ROBO2: variants seen among roughly 807,000 people sequenced by gnomAD.
ROBO2 encodes the protein roundabout homolog 2.
Under a neutral mutation model 160.8 loss-of-function variants are expected in ROBO2, and 53 were observed. That is an observed-to-expected ratio of 0.33 (90% confidence interval 0.26 to 0.41). The LOEUF (loss-of-function observed/expected upper bound fraction) is 0.41. Among genes scored for constraint, ROBO2 ranks in the 10% least tolerant of loss-of-function variants. The pLI is 1.00. For missense variants in ROBO2, 1,577 were observed against 1,722.4 expected (o/e 0.92, Z 1.49); for synonymous variants, 664 against 611.7 (o/e 1.09, Z -1.26).
intron 2 of ROBO2, among the ~76,000 whole-genome samples, chr3:76,209,766 C>A (rs1703029115): frequency 6.6e-6 from 1 of 152,084 alleles, no homozygotes; most frequent in Non-Finnish European, 1.5e-5. Context: ...GGGGATTAAA[C>A]TACACAGGGG....
chr3:75,970,508 A>C (rs144138523), intron 2 of ROBO2, among the ~76,000 whole-genome samples: 6 of 151,680 alleles, frequency 4.0e-5, no homozygotes, highest in African/African-American at 9.6e-5. Flanking sequence ...AAATGTTCTA[A>C]ACAGTATGTA....
intron 9 of ROBO2, 23 bp downstream of exon 10, chr3:77,558,172 A>T: frequency 6.3e-7 from 1 of 1,585,108 alleles, no homozygotes; most frequent in Non-Finnish European, 8.7e-7. Flanking sequence ...GGACTTGTAC[A>T]TGAATTATCA....
At chr3:76,447,865 G>C (rs1452625973) in intron 2 of ROBO2, among the ~76,000 whole-genome samples, 1 of 140,828 alleles carries the variant, frequency 7.1e-6, no homozygotes, top group African/African-American at 2.7e-5. Flanking sequence ...GCACAGGAAG[G>C]GGGACATCAC....
At chr3:77,126,008 G>A (rs2075286121) in intron 2 of ROBO2, among the ~76,000 whole-genome samples, 1 of 152,174 alleles carries the variant, frequency 6.6e-6, no homozygotes, top group Non-Finnish European at 1.5e-5. Context: ...CCCAGCGATT[G>A]CACACATTTG....
chr3:76,078,546 G>C (rs1405698020), intron 2 of ROBO2, among the ~76,000 whole-genome samples: 1 of 151,848 alleles, frequency 6.6e-6, no homozygotes, highest in Non-Finnish European at 1.5e-5. Flanking sequence ...TCATCCTTTT[G>C]TAGAGACAGG....
At chr3:76,297,706 T>TAA (rs71277576) in intron 2 of ROBO2, among the ~76,000 whole-genome samples, 2,231 of 56,510 alleles carry the variant, frequency 0.039, 94 homozygotes, top group Non-Finnish European at 0.058. Context: ...CTGCTTTCCT[T>TAA]AAAAAAAAAA....
At chr3:76,921,285 G>C (rs2076642477) in intron 2 of ROBO2, among the ~76,000 whole-genome samples, 1 of 152,160 alleles carries the variant, frequency 6.6e-6, no homozygotes, top group Admixed American at 6.5e-5. Context: ...AAATTAAATG[G>C]AAAAAAGGTA....
intron 1 of ROBO2, among the ~76,000 whole-genome samples, chr3:77,061,541 C>G (rs572482248): frequency 6.6e-6 from 1 of 152,116 alleles, no homozygotes; most frequent in African/African-American, 2.4e-5. Flanking sequence ...AAATCAGTAA[C>G]GGATTCATCT....
chr3:75,926,658 G>A (rs141396430), intron 1 of ROBO2, among the ~76,000 whole-genome samples: 3 of 152,224 alleles, frequency 2.0e-5, no homozygotes, highest in African/African-American at 7.2e-5. Context: ...AGGAACATTA[G>A]GTATCAGAGT....
At chr3:76,786,894 G>T (rs976442141) in intron 2 of ROBO2, among the ~76,000 whole-genome samples, 4 of 151,332 alleles carry the variant, frequency 2.6e-5, no homozygotes, top group Non-Finnish European at 5.9e-5. Flanking sequence ...AATTTCTAAA[G>T]AAAAGAGGTT....
At chr3:76,117,494 A>G (rs951719232) in intron 2 of ROBO2, among the ~76,000 whole-genome samples, 2 of 152,192 alleles carry the variant, frequency 1.3e-5, no homozygotes, top group African/African-American at 4.8e-5. Context: ...GTCTCTGTGT[A>G]TGTCAATGAA....
chr3:77,321,589 CTAGA>C (rs1166170609), intron 2 of ROBO2, among the ~76,000 whole-genome samples: 1 of 151,862 alleles, frequency 6.6e-6, no homozygotes, highest in Admixed American at 6.6e-5. Flanking sequence ...GATAGAATCA[CTAGA>C]TAGTTAAAAT....
intron 2 of ROBO2, among the ~76,000 whole-genome samples, chr3:77,424,151 T>C (rs2077965093): frequency 6.6e-6 from 1 of 152,148 alleles, no homozygotes; most frequent in South Asian, 2.1e-4. Context: ...TTTGCACAGA[T>C]ATTAAACCAG....
chr3:76,386,089 G>T (rs959631665), intron 2 of ROBO2, among the ~76,000 whole-genome samples: 1 of 151,976 alleles, frequency 6.6e-6, no homozygotes, highest in Non-Finnish European at 1.5e-5. Context: ...TTTTTAAAGA[G>T]TAAAAGCTAT....
chr3:76,818,828 A>T (rs1012390346), intron 2 of ROBO2, among the ~76,000 whole-genome samples: 1 of 151,920 alleles, frequency 6.6e-6, no homozygotes, highest in Admixed American at 6.6e-5. Flanking sequence ...GCCTATTTTT[A>T]TATCACTACC....
intron 2 of ROBO2, among the ~76,000 whole-genome samples, chr3:76,115,164 T>G (rs1046319474): frequency 6.6e-6 from 1 of 152,098 alleles, no homozygotes; most frequent in South Asian, 2.1e-4. Flanking sequence ...CTAAGATACC[T>G]TCTCAGAACT....
At chr3:76,689,309 C>T (rs1186594833) in intron 2 of ROBO2, among the ~76,000 whole-genome samples, 1 of 151,978 alleles carries the variant, frequency 6.6e-6, no homozygotes, top group Admixed American at 6.6e-5. Context: ...AAATCTTGTA[C>T]TAGTGAAGCT....
chr3:77,163,066 C>A (rs529860000), intron 2 of ROBO2, among the ~76,000 whole-genome samples: 1 of 152,136 alleles, frequency 6.6e-6, no homozygotes, highest in East Asian at 1.9e-4. Flanking sequence ...GAACTCCTGA[C>A]CTCAGGTGAT....
At chr3:76,035,303 A>C (rs905640236) in intron 2 of ROBO2, among the ~76,000 whole-genome samples, 3 of 151,690 alleles carry the variant, frequency 2.0e-5, no homozygotes, top group African/African-American at 7.3e-5. Context: ...CCCTTTTGAT[A>C]CTGAGTCTTC....
Sources: allele counts gnomAD v4.1 joint callset (sites outside exome capture counted in the v4.1 genomes callset), GRCh38; gene constraint gnomAD v4.1.1; transcripts MANE v1.5; gene names NCBI Gene and HGNC (gene_info 2026-07-23, HGNC 2026-07-21).